The following CTNNA2 variants were observed in gnomAD, a reference collection of about 807,000 sequenced individuals.
CTNNA2 encodes catenin alpha-2.
A neutral mutation model predicts 101.0 loss-of-function variants in CTNNA2; 42 were observed. The ratio of observed to expected loss-of-function variants is 0.42; its 90% CI spans 0.32 to 0.54. The LOEUF is 0.54. Among genes scored for constraint, CTNNA2 ranks in the 20% least tolerant of loss-of-function variants. The probability of loss-of-function intolerance (pLI) is 0.14; values close to 1 mark genes in which losing one functional copy is unlikely to be tolerated. For missense variants in CTNNA2, 871 were observed against 1,223.1 expected (o/e 0.71, Z 4.29); for synonymous variants, 450 against 456.4 (o/e 0.99, Z 0.18).
At chr2:80,048,970 T>C (rs886611931) in intron 7 of CTNNA2, among the ~76,000 whole-genome samples, 4 of 152,118 alleles carry the variant, frequency 2.6e-5, no homozygotes, top group African/African-American at 9.7e-5. Context: ...GATTGAAATA[T>C]GGTTAAAAGA....
At chr2:80,284,570 C>T (rs1053843688) in intron 7 of CTNNA2, among the ~76,000 whole-genome samples, 3 of 152,186 alleles carry the variant, frequency 2.0e-5, no homozygotes, top group East Asian at 3.9e-4. Context: ...GGTTTTTCCT[C>T]TACTATGAAT....
intron 2 of CTNNA2, among the ~76,000 whole-genome samples, chr2:79,654,953 T>G (rs1681507541): frequency 6.6e-6 from 1 of 152,204 alleles, no homozygotes; most frequent in Non-Finnish European, 1.5e-5. Context: ...TATAGGAATT[T>G]GACAGTAATT....
intron 9 of CTNNA2, among the ~76,000 whole-genome samples, chr2:80,484,267 C>T (rs376165612): frequency 2.6e-5 from 4 of 152,142 alleles, no homozygotes; most frequent in East Asian, 3.9e-4. Context: ...ATAACACGTA[C>T]CTATGATAAT....
In CTNNA2 at chr2:80,574,299, T is replaced by A; in HGVS notation, c.1878T>A (p.Ala626=). 6.2e-7 allele frequency: 1 copy of A among 1,612,462 alleles called. No homozygotes were observed. Among genetic ancestry groups the A allele is most frequent in the African/African-American group, 1.3e-5 (1 of 75,024 alleles). ...VYDGVRDIRK[A]VLMIRTPEEL... is the part of the protein sequence containing the mutation. ...ATGGCGTTCGGGACATCAGAAAGGC[T>A]GTGCTGATGATCAGGGTATGTGAGG... The change falls in exon 13 of 19, where the codon GCT becomes GCA. Residue 626 remains alanine, a synonymous_variant. Coordinates refer to ENST00000402739, the MANE Select transcript of CTNNA2 (RefSeq NM_001282597.3).
intron 7 of CTNNA2, among the ~76,000 whole-genome samples, chr2:80,241,407 A>G (rs310780): frequency 0.41 from 62,322 of 151,258 alleles, 13,935 homozygotes; most frequent in Non-Finnish European, 0.52. Context: ...CAGTGATTCT[A>G]TTACTTTAAA....
intron 7 of CTNNA2, among the ~76,000 whole-genome samples, chr2:80,320,949 G>A (rs376210420): frequency 1.3e-5 from 2 of 152,162 alleles, no homozygotes; most frequent in Admixed American, 6.5e-5. Context: ...ATGTCTTTAA[G>A]TGGGGACAGA....
intron 7 of CTNNA2, among the ~76,000 whole-genome samples, chr2:79,921,798 C>G (rs150105547): frequency 1.1e-3 from 175 of 152,294 alleles, no homozygotes; most frequent in African/African-American, 3.8e-3. Flanking sequence ...TTGAATTGAG[C>G]TTTCGTTCTA....
At chr2:79,835,894 G>A (rs1266552230) in intron 3 of CTNNA2, among the ~76,000 whole-genome samples, 1 of 152,068 alleles carries the variant, frequency 6.6e-6, no homozygotes, top group South Asian at 2.1e-4. Flanking sequence ...GCATCCCAAA[G>A]TGTCAGAATT....
At chr2:79,753,290 G>A (rs1039185761) in intron 3 of CTNNA2, among the ~76,000 whole-genome samples, 1 of 152,050 alleles carries the variant, frequency 6.6e-6, no homozygotes, top group African/African-American at 2.4e-5. Context: ...TTAAAAATGG[G>A]GTGTTCACAT....
At chr2:80,072,842 C>T (rs1698430182) in intron 7 of CTNNA2, among the ~76,000 whole-genome samples, 1 of 152,012 alleles carries the variant, frequency 6.6e-6, no homozygotes, top group East Asian at 1.9e-4. Context: ...GAAAGACTTC[C>T]AAGCAGGAAA....
At chr2:80,503,957 T>C (rs1228814557) in intron 9 of CTNNA2, among the ~76,000 whole-genome samples, 1 of 152,186 alleles carries the variant, frequency 6.6e-6, no homozygotes, top group Non-Finnish European at 1.5e-5. Flanking sequence ...AAGGGAATGG[T>C]ATTCATTTTC....
chr2:79,691,159 T>G (rs1001496906), intron 2 of CTNNA2, among the ~76,000 whole-genome samples: 1 of 151,844 alleles, frequency 6.6e-6, no homozygotes, highest in Non-Finnish European at 1.5e-5. Context: ...TAGAAAGAAC[T>G]GAAATATATG....
intron 6 of CTNNA2, among the ~76,000 whole-genome samples, chr2:79,888,296 A>G (rs1684043860): frequency 6.6e-6 from 1 of 152,186 alleles, no homozygotes; most frequent in African/African-American, 2.4e-5. Flanking sequence ...CATAGTCTTC[A>G]CTGCTTCCTG....
intron 9 of CTNNA2, among the ~76,000 whole-genome samples, chr2:80,529,248 T>C (rs1006699647): frequency 6.6e-6 from 1 of 152,152 alleles, no homozygotes; most frequent in Non-Finnish European, 1.5e-5. Flanking sequence ...TATGTAGGTG[T>C]TTTAACCGCC....
chr2:79,287,984 G>C (rs952123938), intron 2 of CTNNA2, among the ~76,000 whole-genome samples: 1 of 152,254 alleles, frequency 6.6e-6, no homozygotes, highest in African/African-American at 2.4e-5. Flanking sequence ...GAAAAGCGCA[G>C]TATCAGGTGG....
intron 2 of CTNNA2, among the ~76,000 whole-genome samples, chr2:79,698,850 G>T (rs1465103159): frequency 6.6e-6 from 1 of 151,970 alleles, no homozygotes; most frequent in African/African-American, 2.4e-5. Context: ...GATCAGATTG[G>T]CTAACAAGAC....
At chr2:79,881,611 C>G (rs1683430530) in intron 6 of CTNNA2, among the ~76,000 whole-genome samples, 1 of 151,868 alleles carries the variant, frequency 6.6e-6, no homozygotes, top group Admixed American at 6.6e-5. Context: ...TCTGTTTTGT[C>G]AAAGACTAGG....
chr2:80,392,810 C>T (rs951298370), intron 7 of CTNNA2, among the ~76,000 whole-genome samples: 3 of 152,066 alleles, frequency 2.0e-5, no homozygotes, highest in East Asian at 1.9e-4. Context: ...AAATCTTTTT[C>T]GATTTAGTTT....
At chr2:79,790,746 A>G (rs745519318) in intron 3 of CTNNA2, among the ~76,000 whole-genome samples, 9 of 152,146 alleles carry the variant, frequency 5.9e-5, no homozygotes, top group Admixed American at 2.6e-4. Flanking sequence ...AGTTTTGAGT[A>G]AGTGTCCCCT....
Sources: gnomAD v4.1 joint callset for allele counts (sites outside exome capture counted in the v4.1 genomes callset) on GRCh38, gnomAD v4.1.1 for gene constraint, MANE v1.5 for transcripts, NCBI Gene and HGNC (gene_info 2026-07-23, HGNC 2026-07-21) for gene names.